CSGALNACT1: variants seen among roughly 807,000 people sequenced by gnomAD.
CSGALNACT1 encodes beta4GalNAcT-1.
In CSGALNACT1, 52 loss-of-function variants were observed where a neutral mutation model predicts 51.0. The ratio of observed to expected loss-of-function variants is 1.02; its 90% CI spans 0.82 to 1.29. The LOEUF (loss-of-function observed/expected upper bound fraction) is 1.29. Among genes scored for constraint, CSGALNACT1 ranks in the 50% most tolerant of loss-of-function variants. The pLI, the probability that CSGALNACT1 is intolerant of heterozygous loss-of-function variation, is 0.00. For synonymous variants in CSGALNACT1, 341 were observed against 254.4 expected (o/e 1.34, Z -3.24); for missense variants, 935 against 679.2 (o/e 1.38, Z -4.19).
chr8:19,425,240 C>A (rs997167701), intron 6 of CSGALNACT1, among the ~76,000 whole-genome samples: 1 of 152,174 alleles, frequency 6.6e-6, no homozygotes. Context: ...ACTTGGGAGG[C>A]TGAGGCAGGA....
intron 8 of CSGALNACT1, among the ~76,000 whole-genome samples, chr8:19,410,832 C>A (rs2055530222): frequency 6.6e-6 from 1 of 152,148 alleles, no homozygotes; most frequent in South Asian, 2.1e-4. Context: ...CTGGTCATGC[C>A]CACAGCATGT....
intron 4 of CSGALNACT1, among the ~76,000 whole-genome samples, chr8:19,504,134 T>C (rs1057237249): frequency 3.3e-5 from 5 of 152,184 alleles, no homozygotes; most frequent in Admixed American, 3.3e-4. Context: ...TGGAGTGCAG[T>C]GGTGTGATCT....
At chr8:19,722,291 G>A (rs1415223970) in intron 1 of CSGALNACT1, among the ~76,000 whole-genome samples, 2 of 152,126 alleles carry the variant, frequency 1.3e-5, no homozygotes, top group Non-Finnish European at 2.9e-5. Flanking sequence ...GCCTCCATCA[G>A]TATTTTTTAT....
At chr8:19,435,226 T>G (rs1413156991) in intron 6 of CSGALNACT1, among the ~76,000 whole-genome samples, 4 of 152,166 alleles carry the variant, frequency 2.6e-5, no homozygotes, top group African/African-American at 4.8e-5. Context: ...CAGGCGCGGT[T>G]GCTCACGCCT....
exon 4 of CSGALNACT1, chr8:19,505,413 G>A (rs1294294780): frequency 6.2e-7 from 1 of 1,614,208 alleles, no homozygotes; most frequent in Non-Finnish European, 8.5e-7. Flanking sequence ...TGCATACTCT[G>A]TGGCCAGCTT....
chr8:19,462,199 A>C (rs1035275749), intron 4 of CSGALNACT1, among the ~76,000 whole-genome samples: 3 of 152,242 alleles, frequency 2.0e-5, no homozygotes, highest in Non-Finnish European at 2.9e-5. Flanking sequence ...TGCACAACTG[A>C]AACAGGTCTC....
At chr8:19,412,781 G>A (rs1029713331) in intron 8 of CSGALNACT1, among the ~76,000 whole-genome samples, 1 of 151,904 alleles carries the variant, frequency 6.6e-6, no homozygotes, top group Non-Finnish European at 1.5e-5. Context: ...GGCCTGGGAG[G>A]AGAAGACTCC....
chr8:19,450,283 G>T (rs2153798065), intron 5 of CSGALNACT1, among the ~76,000 whole-genome samples: 2 of 144,788 alleles, frequency 1.4e-5, no homozygotes, highest in Admixed American at 1.4e-4. Context: ...GGGAGGAGAG[G>T]GAGGAGGAGA....
In CSGALNACT1 at chr8:19,504,831, C is replaced by T. The variant is rs559261117; in HGVS notation, c.634+370G>A. 7.2e-5 allele frequency among the ~76,000 whole-genome samples: 11 copies of T among 152,198 alleles called. No homozygotes were observed. The East Asian group carries it at 9.6e-4, about 13-fold the overall frequency. On this transcript the variant is annotated intron_variant, in intron 4 of 9. Coordinates refer to ENST00000454498, the Ensembl canonical transcript of CSGALNACT1. ...GCACATGTAAGTGCAATAATATGTG[C>T]GTGTTATTATTCTGTTCATGAGCTT... is the stretch of plus-strand genomic sequence containing the variant.
chr8:19,718,336 A>C (rs528929269), intron 1 of CSGALNACT1, among the ~76,000 whole-genome samples: 6 of 152,238 alleles, frequency 3.9e-5, no homozygotes, highest in Admixed American at 2.0e-4. Flanking sequence ...TCCTGAACTC[A>C]AGTGATCCAC....
At chr8:19,628,070 C>CTG (rs2054674467) in intron 1 of CSGALNACT1, among the ~76,000 whole-genome samples, 1 of 152,176 alleles carries the variant, frequency 6.6e-6, no homozygotes, top group Non-Finnish European at 1.5e-5. Flanking sequence ...TTGTTGAGCA[C>CTG]TGTGTGCTGA....
rs2058495099 is a variant in CSGALNACT1 at position 19,658,613 on chromosome 8, A to G, written c.-544+23860T>C. ...GCTGTGCATGGTGGTGCACACCTGT[A>G]GTCCCAGCTACTTGGGAGGCTGAGG... On this transcript the variant is annotated intron_variant, in intron 1 of 9. Transcript: ENST00000332246. Among the ~76,000 whole-genome samples the G allele has an allele frequency of 2.6e-5, 4 of 152,134 alleles. No homozygotes were observed. In the South Asian group the frequency reaches 8.3e-4, roughly 31 times the overall value.
intron 1 of CSGALNACT1, among the ~76,000 whole-genome samples, chr8:19,635,849 T>G (rs1253158429): frequency 6.6e-6 from 1 of 152,160 alleles, no homozygotes; most frequent in Non-Finnish European, 1.5e-5. Flanking sequence ...TGCCTCGGCC[T>G]CCTGAGTAGC....
intron 3 of CSGALNACT1, among the ~76,000 whole-genome samples, chr8:19,523,908 C>T (rs1390403374): frequency 6.6e-6 from 1 of 152,202 alleles, no homozygotes; most frequent in Non-Finnish European, 1.5e-5. Context: ...GGAAGAATCA[C>T]AGAAGCTTCT....
chr8:19,748,980 T>A (rs1475440127), intron 1 of CSGALNACT1, among the ~76,000 whole-genome samples: 2 of 150,668 alleles, frequency 1.3e-5, no homozygotes, highest in Non-Finnish European at 3.0e-5. Flanking sequence ...AAAAAAAACA[T>A]TAAGGAACTT....
chr8:19,558,455 A>T (rs984816780), intron 3 of CSGALNACT1, among the ~76,000 whole-genome samples: 8 of 152,222 alleles, frequency 5.3e-5, no homozygotes, highest in Admixed American at 3.3e-4. Flanking sequence ...TGAGAAAGTT[A>T]TACTATTAGG....
chr8:19,593,426 C>A (rs2048252769), intron 2 of CSGALNACT1, among the ~76,000 whole-genome samples: 2 of 152,198 alleles, frequency 1.3e-5, no homozygotes, highest in Admixed American at 1.3e-4. Flanking sequence ...AGCTAGGCTC[C>A]TCAAATGATT....
At chr8:19,705,038 T>G (rs969343688) in intron 1 of CSGALNACT1, among the ~76,000 whole-genome samples, 1 of 152,228 alleles carries the variant, frequency 6.6e-6, no homozygotes, top group African/African-American at 2.4e-5. Flanking sequence ...TTAATACACG[T>G]ATTGCCCACT....
intron 8 of CSGALNACT1, among the ~76,000 whole-genome samples, chr8:19,409,664 C>T (rs2055228453): frequency 6.6e-6 from 1 of 152,136 alleles, no homozygotes; most frequent in Admixed American, 6.5e-5. Context: ...CACATCCTGT[C>T]CTCTGGGGAA....
Sources: gnomAD v4.1 joint callset for allele counts (sites outside exome capture counted in the v4.1 genomes callset) on GRCh38, gnomAD v4.1.1 for gene constraint, MANE v1.5 for transcripts, NCBI Gene and HGNC (gene_info 2026-07-23, HGNC 2026-07-21) for gene names.